Variants in EPHA8 observed in about 807,000 individuals in gnomAD.
EPHA8 encodes the protein EPH receptor A8, also known as ephrin type-A receptor 8.
EPHA8 carries 58 observed loss-of-function variants against 103.6 expected under a neutral mutation model. The observed-to-expected ratio is 0.56, with a 90% CI of 0.45 to 0.70. The LOEUF is 0.70. Ranked by LOEUF, EPHA8 falls within the 30% of genes least tolerant of loss-of-function variation. EPHA8 has a pLI of 0.00. For synonymous variants in EPHA8, 559 were observed against 572.5 expected (o/e 0.98, Z 0.34); for missense variants, 1,304 against 1,395.2 (o/e 0.93, Z 1.04).
At position 22,601,472 on chromosome 1, in the gene EPHA8, C is replaced by T; in HGVS notation, c.2902C>T (p.Gln968Ter). Reference protein sequence around the residue: ...SLGMVLRMNAQDVRALGITLM... With the variant: ...SLGMVLRMNA ...GGGCATGGTGCTACGCATGAACGCC[C>T]AGTGAGTGATGGGTGGGGCTGGGGC... Residue 968 changes from glutamine (Q) to a stop codon, truncating the protein, a stop_gained and splice_region_variant, in exon 16 of 17, where the codon CAG (glutamine) becomes TAG (stop). Transcript: ENST00000166244. LOFTEE classifies it high-confidence loss of function. 1 of 1,609,538 alleles carries T rather than the reference C, an allele frequency of 6.2e-7. No individual in the cohort carries two copies. Among genetic ancestry groups the T allele is most frequent in the Non-Finnish European group, 8.5e-7 (1 of 1,179,644 alleles).
chr1:22,597,141 G>C lies in EPHA8; in HGVS notation c.1766-171G>C, dbSNP rs1003917554. ...ATAGAAACCCCAGAGCGACTCCAGA[G>C]ACCCCACTTTCACTTGGGAAATACT... On this transcript the variant is annotated intron_variant, in intron 9 of 16. Coordinates refer to ENST00000166244, the MANE Select transcript of EPHA8 (RefSeq NM_020526.5). This position sits in a 1 kb window ranked among gnomAD's most constrained non-coding sequence, Gnocchi z 4.6. 1.3e-5 allele frequency among the ~76,000 whole-genome samples: 2 copies of C among 152,160 alleles called. No homozygotes were observed. The highest frequency in any genetic ancestry group is 2.9e-5 in the Non-Finnish European group (2 of 68,016).
Position 22,593,324 on chromosome 1 carries a change from A to G in EPHA8, c.1316-2A>G. ...CCCATCTGACGGGATTGGCCGCCCC[A>G]GCCCCGTCCCAGGTGGTGGTGATCC... is the stretch of plus-strand genomic sequence containing the variant. On this transcript the variant is annotated splice_acceptor_variant, in intron 5 of 16. Coordinates refer to ENST00000166244, the MANE Select transcript of EPHA8 (RefSeq NM_020526.5). LOFTEE classifies it high-confidence loss of function. 1 of 1,562,178 alleles carries G rather than the reference A, an allele frequency of 6.4e-7. No homozygotes were observed. Among genetic ancestry groups the G allele is most frequent in the Non-Finnish European group, 8.7e-7 (1 of 1,152,240 alleles).
chr1:22,589,520 T>C lies in EPHA8; in HGVS notation c.1315+314T>C. On this transcript the variant is annotated intron_variant, in intron 5 of 16. Coordinates refer to ENST00000166244, the MANE Select transcript of EPHA8 (RefSeq NM_020526.5). This position sits in a 1 kb window ranked among gnomAD's most constrained non-coding sequence, Gnocchi z 4.3. ...CTGGTGCAATGGGAATAATAGTACC[T>C]GCCTGAGGTCCTCTCAGGAGGCTTA... 7.1e-7 allele frequency: 1 copy of C among 1,401,752 alleles called. No homozygotes were observed. The allele number at this position is 1,401,752 out of a possible 1,614,324, so 86.8% of individuals were successfully genotyped here.
At chr1:22,574,733 A>G (rs1171647598) in intron 2 of EPHA8, among the ~76,000 whole-genome samples, 1 of 152,156 alleles carries the variant, frequency 6.6e-6, no homozygotes. Flanking sequence ...TGTTGTGAAT[A>G]ATGCTGCTAT....
intron 2 of EPHA8, among the ~76,000 whole-genome samples, chr1:22,574,281 G>T (rs1640623762): frequency 6.6e-6 from 1 of 152,180 alleles, no homozygotes; most frequent in Non-Finnish European, 1.5e-5. Flanking sequence ...GCCCGGCCAG[G>T]CATCTTTCTT....
Position 22,589,016 on chromosome 1 carries a change from C to T in EPHA8, c.1125C>T (p.Arg375=). Reference sequence around the variant, plus strand: ...GCCGCTGCCCCTGGGCACTGAGCCGCTGCGAGGCATGTGGGAGCGGCACCC... The same window carrying T: ...GCCGCTGCCCCTGGGCACTGAGCCGTTGCGAGGCATGTGGGAGCGGCACCC... ...VCRRCPWALS[R]CEACGSGTRF... is the part of the protein sequence containing the mutation. The change falls in exon 5 of 17, where the codon CGC becomes CGT. Residue 375 remains arginine (R), a synonymous_variant. Coordinates refer to ENST00000166244, the MANE Select transcript of EPHA8 (RefSeq NM_020526.5). The surrounding 1 kb of genome is among the most constrained non-coding windows in gnomAD (Gnocchi z 4.3). 1.9e-6 allele frequency: 3 copies of T among 1,613,016 alleles called. 1 individual carries two copies. Among genetic ancestry groups the T allele is most frequent in the East Asian group, 2.2e-5 (1 of 44,826 alleles).
At chr1:22,588,820 G>T in intron 4 of EPHA8, 51 bp from the exon 5 acceptor site, 1 of 1,530,544 alleles carries the variant, frequency 6.5e-7, no homozygotes, top group Non-Finnish European at 8.8e-7. Flanking sequence ...TAGGAAGACA[G>T]GACAGCCCAA....
chr1:22,583,894 C>T lies in EPHA8; in HGVS notation c.824-2586C>T, dbSNP rs943027886. Among the ~76,000 whole-genome samples the T allele has an allele frequency of 4.6e-5, 7 of 152,362 alleles. No individual in the cohort carries two copies. The South Asian group carries it at 6.2e-4, about 14-fold the overall frequency. On this transcript the variant is annotated intron_variant, in intron 3 of 16. Coordinates refer to ENST00000166244, the MANE Select transcript of EPHA8 (RefSeq NM_020526.5). ...CGTGGTGCTGGCTTCCCTCAGGCCC[C>T]GCATCACGCCATGAGGCTTTGCCTG...
Position 22,600,195 on chromosome 1 carries a change from A to AGG in EPHA8, c.2389-466_2389-465insGG, listed in dbSNP as rs1416749711. Among the ~76,000 whole-genome samples the AGG allele has an allele frequency of 8.4e-4, 101 of 120,914 alleles. 2 individuals carry two copies. Among genetic ancestry groups the AGG allele is most frequent in the Non-Finnish European group, 1.5e-3 (84 of 57,466 alleles). The allele number at this position is 120,914 out of a possible 152,430, so 79.3% of individuals were successfully genotyped here. A position where few individuals can be genotyped will look rare whatever the true frequency, so the allele number is the denominator to read the frequency against. On this transcript the variant is annotated intron_variant, in intron 13 of 16. Coordinates refer to ENST00000166244, the MANE Select transcript of EPHA8 (RefSeq NM_020526.5). Reference sequence around the variant, plus strand: ...AAGGAAGGAAAGAAGGAGGGAAGGAAAGGAGGGAGGGAGGAAGGTGGGAGG... The same window carrying AGG: ...AAGGAAGGAAAGAAGGAGGGAAGGAAGGAGGAGGGAGGGAGGAAGGTGGGAGG...
At position 22,588,870 on chromosome 1, in the gene EPHA8, G is replaced by A. The variant is rs764298290; in HGVS notation, c.980-1G>A. ...CCCCATCTGTCATCCTCTGCCCTCA[G>A]GGCCACCCTCGGCACCAGTGAACCT... On this transcript the variant is annotated splice_acceptor_variant, in intron 4 of 16. Coordinates refer to ENST00000166244, the MANE Select transcript of EPHA8 (RefSeq NM_020526.5). LOFTEE classifies it high-confidence loss of function. The A allele has an allele frequency of 1.3e-6, 2 of 1,578,620 alleles. No homozygotes were observed. Among genetic ancestry groups the A allele is most frequent in the South Asian group, 2.3e-5 (2 of 88,166 alleles).
chr1:22,578,342 ATGTG>A (rs1236873351), intron 3 of EPHA8, among the ~76,000 whole-genome samples: 67 of 138,388 alleles, frequency 4.8e-4, no homozygotes, highest in African/African-American at 1.4e-3. Flanking sequence ...GAGTGTATGC[ATGTG>A]TGTATGTGTG....
At chr1:22,579,363 ATG>A (rs1640973631) in intron 3 of EPHA8, among the ~76,000 whole-genome samples, 1 of 122,448 alleles carries the variant, frequency 8.2e-6, no homozygotes, top group Non-Finnish European at 1.6e-5. Context: ...GCGTGTGTGT[ATG>A]TGTGCATGAG....
At chr1:22,601,190 A>C (rs1267986379) in intron 15 of EPHA8, 102 bp downstream of exon 15, 15 of 1,527,598 alleles carry the variant, frequency 9.8e-6, no homozygotes, top group Non-Finnish European at 1.3e-5. Flanking sequence ...GACCAGGCCC[A>C]GCCTGGGCCC....
intron 3 of EPHA8, among the ~76,000 whole-genome samples, chr1:22,578,830 TG>T (rs1338173385): frequency 6.8e-6 from 1 of 146,294 alleles, no homozygotes; most frequent in African/African-American, 2.5e-5. Context: ...TGTGCATGCC[TG>T]TGTGTATATG....
chr1:22,589,387 G>A lies in EPHA8; in HGVS notation c.1315+181G>A. 1.3e-6 allele frequency: 2 copies of A among 1,535,210 alleles called. No individual in the cohort carries two copies. Among genetic ancestry groups the A allele is most frequent in the Non-Finnish European group, 1.7e-6 (2 of 1,146,626 alleles). On this transcript the variant is annotated intron_variant, in intron 5 of 16. Coordinates refer to ENST00000166244, the MANE Select transcript of EPHA8 (RefSeq NM_020526.5). This position sits in a 1 kb window ranked among gnomAD's most constrained non-coding sequence, Gnocchi z 4.3. The stretch of plus-strand genomic sequence containing the variant: ...GCTCTTCATTGCCTTTAGAAAAGTG[G>A]AACACATTCTATAAGTAAGAGAAAT...
At chr1:22,570,265 T>TGTACACACACGCACGCGC (rs1640489712) in intron 2 of EPHA8, among the ~76,000 whole-genome samples, 7 of 151,962 alleles carry the variant, frequency 4.6e-5, no homozygotes, top group Admixed American at 3.9e-4. Flanking sequence ...CACGCACGCA[T>TGTACACACACGCACGCGC]GTACACACAC....
At chr1:22,579,152 A>G (rs1226960727) in intron 3 of EPHA8, among the ~76,000 whole-genome samples, 1 of 125,764 alleles carries the variant, frequency 8.0e-6, no homozygotes, top group African/African-American at 3.1e-5. Context: ...CATATGTGCA[A>G]GAGTGTATGT....
At chr1:22,570,770 C>CCCAGCACCACTGG (rs1640521983) in intron 2 of EPHA8, among the ~76,000 whole-genome samples, 1 of 152,250 alleles carries the variant, frequency 6.6e-6, no homozygotes, top group Non-Finnish European at 1.5e-5. Flanking sequence ...AGGAAGCCCT[C>CCCAGCACCACTGG]GTCACCTGAC....
At chr1:22,596,222 G>A (rs749265086) in intron 9 of EPHA8, 49 bp downstream of exon 9, 3 of 1,584,332 alleles carry the variant, frequency 1.9e-6, no homozygotes, top group Non-Finnish European at 1.7e-6. Context: ...GCCACAGGGG[G>A]ACCCAGTGCT....
Sources: allele counts gnomAD v4.1 joint callset (sites outside exome capture counted in the v4.1 genomes callset), GRCh38; gene constraint gnomAD v4.1.1; non-coding constraint Gnocchi (gnomAD v3.1); transcripts MANE v1.5; gene names NCBI Gene and HGNC (gene_info 2026-07-23, HGNC 2026-07-21).